The following SMAP1 variants were observed in gnomAD, a reference collection of about 807,000 sequenced individuals.
SMAP1 encodes the protein stromal membrane-associated protein 1.
In SMAP1, 24 loss-of-function variants were observed where a neutral mutation model predicts 58.5. The ratio of observed to expected loss-of-function variants is 0.41; its 90% CI spans 0.30 to 0.58. SMAP1 has a LOEUF of 0.58. SMAP1 is among the 20% of genes least tolerant of loss of function. SMAP1 has a pLI of 0.29. For synonymous variants in SMAP1, 216 were observed against 196.6 expected, an observed-to-expected ratio of 1.10 and a Z score of -0.82; for missense variants, 563 against 566.3, an observed-to-expected ratio of 0.99 and a Z score of 0.06.
At chr6:70,853,551 G>C (rs962296085) in intron 8 of SMAP1, among the ~76,000 whole-genome samples, 1 of 152,112 alleles carries the variant, frequency 6.6e-6, no homozygotes, top group African/African-American at 2.4e-5. Context: ...ACATATTTCT[G>C]TTGCACATAT....
chr6:70,827,413 A>G (rs962048594), intron 6 of SMAP1, among the ~76,000 whole-genome samples: 7 of 150,632 alleles, frequency 4.6e-5, no homozygotes, highest in Admixed American at 1.3e-4. Flanking sequence ...TTAGATGACC[A>G]AAGGTCTGGT....
intron 4 of SMAP1, among the ~76,000 whole-genome samples, chr6:70,785,650 A>G (rs1466656565): frequency 2.6e-5 from 4 of 152,212 alleles, no homozygotes; most frequent in African/African-American, 9.6e-5. Context: ...AATACAAACT[A>G]CCATCAGAGA....
At chr6:70,802,143 A>G (rs916636482) in intron 6 of SMAP1, among the ~76,000 whole-genome samples, 5 of 152,154 alleles carry the variant, frequency 3.3e-5, no homozygotes, top group East Asian at 1.9e-4. Context: ...CTTCGTATCT[A>G]TGAGCATGGA....
At chr6:70,806,242 G>A (rs145132037) in intron 6 of SMAP1, among the ~76,000 whole-genome samples, 106 of 152,312 alleles carry the variant, frequency 7.0e-4, no homozygotes, top group African/African-American at 2.0e-3. Flanking sequence ...GCCCAGCTGC[G>A]GCTTCACAGT....
intron 4 of SMAP1, among the ~76,000 whole-genome samples, chr6:70,777,295 G>A (rs1405337453): frequency 2.6e-5 from 4 of 152,116 alleles, no homozygotes; most frequent in East Asian, 1.9e-4. Context: ...CTTCTGCATC[G>A]TTCACGCTGG....
chr6:70,779,033 G>A (rs1234410223), intron 4 of SMAP1, among the ~76,000 whole-genome samples: 2 of 152,232 alleles, frequency 1.3e-5, no homozygotes, highest in Non-Finnish European at 2.9e-5. Context: ...CAATGTATGT[G>A]GATACACAAT....
intron 5 of SMAP1, 36 bp from the exon 6 acceptor site, chr6:70,798,621 A>C (rs1768709535): frequency 6.7e-7 from 1 of 1,481,616 alleles, no homozygotes; most frequent in East Asian, 2.5e-5. Context: ...ATTTTTTAAA[A>C]AAGTAAACTT....
intron 6 of SMAP1, among the ~76,000 whole-genome samples, chr6:70,833,409 T>C (rs1020037153): frequency 2.0e-5 from 3 of 152,228 alleles, no homozygotes; most frequent in Admixed American, 2.0e-4. Context: ...GATTTGATAA[T>C]GGAGGGATAC....
intron 6 of SMAP1, among the ~76,000 whole-genome samples, chr6:70,807,313 G>A (rs1006388897): frequency 1.3e-5 from 2 of 152,132 alleles, no homozygotes; most frequent in African/African-American, 2.4e-5. Context: ...TTTTCTGGGA[G>A]GAGAAAGGTA....
chr6:70,741,806 A>G (rs34519120), intron 2 of SMAP1, among the ~76,000 whole-genome samples: 20,858 of 152,168 alleles, frequency 0.14, 1,643 homozygotes, highest in South Asian at 0.21. Flanking sequence ...AGGTATTTCC[A>G]TATATCCTCT....
At chr6:70,714,577 ACTTTTAT>A (rs1562109812) in intron 1 of SMAP1, among the ~76,000 whole-genome samples, 1 of 152,010 alleles carries the variant, frequency 6.6e-6, no homozygotes. Context: ...TGTTTTTAGT[ACTTTTAT>A]CTTTTAGGTT....
At chr6:70,715,125 G>GTCTT (rs1392202826) in intron 1 of SMAP1, among the ~76,000 whole-genome samples, 1 of 123,114 alleles carries the variant, frequency 8.1e-6, no homozygotes, top group Non-Finnish European at 1.6e-5. Flanking sequence ...TGGAGACATG[G>GTCTT]TCTTATAGTG....
chr6:70,702,891 C>G (rs544317572), intron 1 of SMAP1, among the ~76,000 whole-genome samples: 3 of 152,244 alleles, frequency 2.0e-5, no homozygotes, highest in Admixed American at 2.0e-4. Flanking sequence ...TTTGGCCTTC[C>G]AAAGTGCTGG....
intron 7 of SMAP1, among the ~76,000 whole-genome samples, chr6:70,839,239 T>C (rs1770713376): frequency 6.6e-6 from 1 of 152,222 alleles, no homozygotes; most frequent in South Asian, 2.1e-4. Flanking sequence ...CAGGGCACTT[T>C]TTACCAGCCA....
At chr6:70,776,716 C>T (rs1474917405) in intron 4 of SMAP1, among the ~76,000 whole-genome samples, 1 of 152,100 alleles carries the variant, frequency 6.6e-6, no homozygotes, top group East Asian at 1.9e-4. Context: ...TTTCTTAGCT[C>T]ACACAGAAGA....
chr6:70,727,105 T>C (rs1768824975), intron 1 of SMAP1, among the ~76,000 whole-genome samples: 1 of 152,008 alleles, frequency 6.6e-6, no homozygotes, highest in African/African-American at 2.4e-5. Flanking sequence ...GAGGTCTTTT[T>C]TTGTTTTTTG....
At chr6:70,805,113 T>C (rs1166331604) in intron 6 of SMAP1, among the ~76,000 whole-genome samples, 1 of 152,164 alleles carries the variant, frequency 6.6e-6, no homozygotes, top group Non-Finnish European at 1.5e-5. Flanking sequence ...TTGGTTTCAT[T>C]CTCCCCATCA....
At chr6:70,673,455 A>G (rs950209267) in intron 1 of SMAP1, among the ~76,000 whole-genome samples, 1 of 152,216 alleles carries the variant, frequency 6.6e-6, no homozygotes, top group African/African-American at 2.4e-5. Context: ...TTAGCTTTCT[A>G]ACTTTTTCAA....
intron 4 of SMAP1, among the ~76,000 whole-genome samples, chr6:70,789,592 CTTTTTT>C (rs200041762): frequency 3.7e-5 from 5 of 135,694 alleles, no homozygotes; most frequent in Non-Finnish European, 7.9e-5. Flanking sequence ...TTTCTTTTTT[CTTTTTT>C]TTTTTTTTGG....
Sources: gnomAD v4.1 joint callset for allele counts (sites outside exome capture counted in the v4.1 genomes callset) on GRCh38, gnomAD v4.1.1 for gene constraint, MANE v1.5 for transcripts, NCBI Gene and HGNC (gene_info 2026-07-23, HGNC 2026-07-21) for gene names.